AFAP1L2: variants seen among roughly 807,000 people sequenced by gnomAD.
AFAP1L2 encodes actin filament-associated protein 1-like 2.
A neutral mutation model predicts 99.3 loss-of-function variants in AFAP1L2; 46 were observed. The observed-to-expected ratio is 0.46, with a 90% CI of 0.37 to 0.59. AFAP1L2 has a LOEUF of 0.59. Ranked by LOEUF, AFAP1L2 falls within the 20% of genes least tolerant of loss-of-function variation. The pLI is 0.00. For missense variants in AFAP1L2, 959 were observed against 1,034.9 expected, an observed-to-expected ratio of 0.93 and a Z score of 1.01; for synonymous variants, 397 against 419.1, an observed-to-expected ratio of 0.95 and a Z score of 0.64.
At chr10:114,344,595 G>T (rs2049244129) in intron 1 of AFAP1L2, among the ~76,000 whole-genome samples, 5 of 152,206 alleles carry the variant, frequency 3.3e-5, no homozygotes, top group Admixed American at 3.3e-4. Flanking sequence ...CCTGGCCCTG[G>T]GGAAACAAAG....
At chr10:114,308,002 C>T in intron 9 of AFAP1L2, 93 bp from the exon 10 acceptor site, 1 of 1,007,482 alleles carries the variant, frequency 9.9e-7, no homozygotes, top group Non-Finnish European at 1.6e-6. Context: ...ATTTCCACTC[C>T]ATCCACCCAT....
At chr10:114,305,804 T>C (rs1459424509) in intron 10 of AFAP1L2, among the ~76,000 whole-genome samples, 1 of 28,440 alleles carries the variant, frequency 3.5e-5, no homozygotes, top group African/African-American at 1.5e-4. Flanking sequence ...GCAGGAGGCG[T>C]CGGGGCTGCA....
chr10:114,337,977 C>T (rs577551915), intron 2 of AFAP1L2, among the ~76,000 whole-genome samples: 54 of 152,264 alleles, frequency 3.5e-4, no homozygotes, highest in African/African-American at 7.7e-4. Flanking sequence ...CCAGCACTCC[C>T]GGCGGCAGGC....
intron 3 of AFAP1L2, 89 bp downstream of exon 3, chr10:114,333,132 A>C (rs1022634955): frequency 6.1e-5 from 74 of 1,210,362 alleles, no homozygotes; most frequent in Non-Finnish European, 8.4e-5. Context: ...GCCGGCTGGG[A>C]GGAAAGAGAG....
At chr10:114,365,173 CT>C (rs1264328939) in intron 1 of AFAP1L2, among the ~76,000 whole-genome samples, 1 of 152,182 alleles carries the variant, frequency 6.6e-6, no homozygotes, top group African/African-American at 2.4e-5. Context: ...CTCTCCTCTC[CT>C]ACTTCCCCTG....
At chr10:114,286,159 G>A in the AFAP1L2 span, 1 of 1,614,120 alleles carries the variant, frequency 6.2e-7, no homozygotes, top group Non-Finnish European at 8.5e-7. Flanking sequence ...TGCCTGACCT[G>A]GTCTGGAGCC....
At chr10:114,380,160 G>A (rs1421773912) in intron 1 of AFAP1L2, among the ~76,000 whole-genome samples, 1 of 152,160 alleles carries the variant, frequency 6.6e-6, no homozygotes, top group Non-Finnish European at 1.5e-5. Context: ...TCCAAGATGT[G>A]GGGCTGTCCT....
intron 1 of AFAP1L2, among the ~76,000 whole-genome samples, chr10:114,374,747 G>A (rs2054575171): frequency 6.6e-6 from 1 of 151,500 alleles, no homozygotes; most frequent in Admixed American, 6.6e-5. Context: ...AAGGGGCCCA[G>A]CGCTGATGCT....
chr10:114,388,330 C>A (rs1195980193), intron 1 of AFAP1L2, among the ~76,000 whole-genome samples: 1 of 152,118 alleles, frequency 6.6e-6, no homozygotes, highest in Non-Finnish European at 1.5e-5. Context: ...GCAACTGCCA[C>A]TGCCTGGGCC....
At chr10:114,315,002 G>A (rs1024897645) in intron 6 of AFAP1L2, among the ~76,000 whole-genome samples, 3 of 152,130 alleles carry the variant, frequency 2.0e-5, no homozygotes, top group South Asian at 2.1e-4. Flanking sequence ...TTAGCCAGGC[G>A]TGGTGGCGGG....
At chr10:114,378,057 AG>A (rs1697380158) in intron 1 of AFAP1L2, among the ~76,000 whole-genome samples, 1 of 152,246 alleles carries the variant, frequency 6.6e-6, no homozygotes, top group South Asian at 2.1e-4. Context: ...GTTAAGGGAA[AG>A]GTCCTTCAGA....
At chr10:114,304,489 C>A (rs2041790052) in intron 11 of AFAP1L2, among the ~76,000 whole-genome samples, 1 of 152,154 alleles carries the variant, frequency 6.6e-6, no homozygotes, top group Admixed American at 6.5e-5. Flanking sequence ...CTCCTTCTGC[C>A]CTAAGTGCAG....
chr10:114,298,004 A>G (rs76668928), intron 16 of AFAP1L2, among the ~76,000 whole-genome samples: 3,621 of 152,288 alleles, frequency 0.024, 129 homozygotes, highest in African/African-American at 0.081. Context: ...AAATTCACAG[A>G]TGCTATTGAA....
intron 1 of AFAP1L2, among the ~76,000 whole-genome samples, chr10:114,391,939 C>T (rs980942054): frequency 1.3e-5 from 2 of 152,170 alleles, no homozygotes; most frequent in South Asian, 2.1e-4. Flanking sequence ...GTACAAGGAA[C>T]AGCACACCTC....
chr10:114,325,818 C>T lies in AFAP1L2; in HGVS notation c.316-2557G>A, dbSNP rs1004691636. 6.5e-6 allele frequency: 8 copies of T among 1,221,826 alleles called. No individual in the cohort carries two copies. The African/African-American group carries it at 7.8e-5, about 12-fold the overall frequency. 75.7% of individuals were successfully genotyped at this position (1,221,826 alleles called of 1,614,324 possible). A position where few individuals can be genotyped will look rare whatever the true frequency, so the allele number is the denominator to read the frequency against. On this transcript the variant is annotated intron_variant, in intron 4 of 18. Coordinates refer to ENST00000304129, the MANE Select transcript of AFAP1L2 (RefSeq NM_001001936.3). The stretch of plus-strand genomic sequence containing the variant: ...GCCTGAGAAAAGGCTGAGACAGTGA[C>T]AGACTTGCCTGTGGTCCACTAACAA...
rs35153847 is a variant in AFAP1L2, at chr10:114,331,839, AG to A, written c.278del (p.Pro93LeufsTer13). 1 of 1,395,988 alleles carries A rather than the reference AG, an allele frequency of 7.2e-7. No individual in the cohort carries two copies. Among genetic ancestry groups the A allele is most frequent in the Admixed American group, 3.1e-5 (1 of 32,302 alleles). The allele number at this position is 1,395,988 out of a possible 1,614,324, so 86.5% of individuals were successfully genotyped here. A position where few individuals can be genotyped will look rare whatever the true frequency, so the allele number is the denominator to read the frequency against. On this transcript the variant is annotated frameshift_variant, in exon 4 of 19. Transcript: ENST00000304129. LOFTEE classifies it high-confidence loss of function. The stretch of plus-strand genomic sequence containing the variant: ...GCGGGAGGTCTGGAAGGCTCTTCTG[AG>A]GGGCCGAGGAGTGCTGGCTGGGCTC... ...NGEPSQHSSA[P>X]QKSLPDLPPP...
At chr10:114,286,012 C>T in the AFAP1L2 span, 33 of 1,614,034 alleles carry the variant, frequency 2.0e-5, no homozygotes, top group East Asian at 6.7e-5. Flanking sequence ...CCACTCTGGA[C>T]GGCTTCCTGC....
chr10:114,373,153 A>T (rs1041676885), intron 1 of AFAP1L2, among the ~76,000 whole-genome samples: 2 of 152,202 alleles, frequency 1.3e-5, no homozygotes, highest in Admixed American at 1.3e-4. Flanking sequence ...TGAGGTGGGA[A>T]GATCGCTTGA....
chr10:114,344,989 C>CG (rs773708171), intron 1 of AFAP1L2, among the ~76,000 whole-genome samples: 3 of 151,222 alleles, frequency 2.0e-5, no homozygotes, highest in Non-Finnish European at 4.4e-5. Flanking sequence ...CCCAGCTACC[C>CG]GGGGGGCTGA....
Sources: gnomAD v4.1 joint callset for allele counts (sites outside exome capture counted in the v4.1 genomes callset) on GRCh38, gnomAD v4.1.1 for gene constraint, MANE v1.5 for transcripts, NCBI Gene and HGNC (gene_info 2026-07-23, HGNC 2026-07-21) for gene names.